The following HIVEP3 variants were observed in gnomAD, a reference collection of about 807,000 sequenced individuals.
HIVEP3 encodes the protein transcription factor HIVEP3.
A neutral mutation model predicts 152.8 loss-of-function variants in HIVEP3; 49 were observed. That is an observed-to-expected ratio of 0.32 (90% CI 0.26 to 0.41). The LOEUF is 0.41. Among genes scored for constraint, HIVEP3 ranks in the 10% least tolerant of loss-of-function variants. HIVEP3 has a pLI of 1.00. For synonymous variants in HIVEP3, 1,269 were observed against 1,289.0 expected (o/e 0.98, Z 0.33); for missense variants, 2,790 against 3,103.3 (o/e 0.90, Z 2.40).
chr1:41,653,977 A>C (rs1397832841), intron 2 of HIVEP3, among the ~76,000 whole-genome samples: 24 of 151,556 alleles, frequency 1.6e-4, no homozygotes, highest in Admixed American at 1.1e-3. Context: ...AAAAAAAAAA[A>C]AAAAACCAGA....
chr1:41,513,651 G>A lies in HIVEP3; in HGVS notation c.5570C>T (p.Ser1857Leu). The change falls in exon 8 of 9, where the codon TCA becomes TTA. Residue 1857 changes from serine to leucine, a missense_variant. Around this residue, in one of 9 missense-constraint regions of HIVEP3, gnomAD observed 816 missense variants for 806.5 expected, o/e 1.01. Transcript: ENST00000372583. Reference sequence around the variant, plus strand: ...CTCATCCTCGTCTTCGTCCAGGTCTGAGTCTGAGTCCGAGTCCTCCAGGTC... The same window carrying A: ...CTCATCCTCGTCTTCGTCCAGGTCTAAGTCTGAGTCCGAGTCCTCCAGGTC... ...FSDLEDSDSD[S>L]DLDEDEDEDE... 6.2e-7 allele frequency: 1 copy of A among 1,613,800 alleles called. No homozygotes were observed. Among genetic ancestry groups the A allele is most frequent in the South Asian group, 1.1e-5 (1 of 91,064 alleles).
At chr1:41,822,342 C>T (rs1292795566) in intron 1 of HIVEP3, among the ~76,000 whole-genome samples, 1 of 152,180 alleles carries the variant, frequency 6.6e-6, no homozygotes, top group African/African-American at 2.4e-5. Context: ...TCACTTCCTC[C>T]AAATCCTATG....
At chr1:41,549,697 G>A (rs2149080229) in intron 5 of HIVEP3, among the ~76,000 whole-genome samples, 1 of 152,176 alleles carries the variant, frequency 6.6e-6, no homozygotes, top group Admixed American at 6.5e-5. Context: ...TGTTCATATT[G>A]TTTGCCCACT....
intron 5 of HIVEP3, among the ~76,000 whole-genome samples, chr1:41,557,518 G>C (rs1643985481): frequency 6.6e-6 from 1 of 152,220 alleles, no homozygotes; most frequent in South Asian, 2.1e-4. Context: ...GAGGGATAGA[G>C]TGTGCAAAGG....
chr1:42,032,179 AAC>A (rs1398451519), intron 1 of HIVEP3, among the ~76,000 whole-genome samples: 1 of 152,174 alleles, frequency 6.6e-6, no homozygotes, highest in Non-Finnish European at 1.5e-5. Context: ...GTCACACCCC[AAC>A]CCCATCTCTG....
At chr1:41,732,202 G>T (rs947459124) in intron 1 of HIVEP3, among the ~76,000 whole-genome samples, 1 of 152,178 alleles carries the variant, frequency 6.6e-6, no homozygotes, top group Admixed American at 6.5e-5. Context: ...GCTTGGGCCG[G>T]ACGGGGAGCA....
chr1:41,545,695 TCAC>T (rs58607679), intron 5 of HIVEP3, among the ~76,000 whole-genome samples: 58,540 of 90,750 alleles, frequency 0.65, 19,482 homozygotes, highest in East Asian at 0.96. Context: ...ATCACCACCA[TCAC>T]CACCACCACC....
intron 1 of HIVEP3, among the ~76,000 whole-genome samples, chr1:41,963,538 G>GA (rs1027606639): frequency 5.3e-5 from 8 of 151,458 alleles, no homozygotes; most frequent in African/African-American, 1.9e-4. Flanking sequence ...GGAGCGGCGA[G>GA]GGGGGAGGGA....
chr1:41,974,872 C>T (rs1645251157), intron 1 of HIVEP3, among the ~76,000 whole-genome samples: 1 of 152,120 alleles, frequency 6.6e-6, no homozygotes, highest in Non-Finnish European at 1.5e-5. Context: ...TTGAGAGTAG[C>T]AGATGCTCTG....
chr1:41,760,906 C>T (rs1183004024), intron 1 of HIVEP3, among the ~76,000 whole-genome samples: 1 of 152,170 alleles, frequency 6.6e-6, no homozygotes, highest in Non-Finnish European at 1.5e-5. Context: ...CCTCCCATGA[C>T]CCTCAAACAT....
chr1:41,654,080 TATAG>T (rs1645594650), intron 2 of HIVEP3, among the ~76,000 whole-genome samples: 1 of 151,882 alleles, frequency 6.6e-6, no homozygotes, highest in African/African-American at 2.4e-5. Flanking sequence ...CAATTCATTA[TATAG>T]ATATATAGTC....
chr1:41,550,566 A>G (rs940774173), intron 5 of HIVEP3, among the ~76,000 whole-genome samples: 1 of 152,164 alleles, frequency 6.6e-6, no homozygotes, highest in East Asian at 1.9e-4. Flanking sequence ...GTTTCTTTGT[A>G]GGTCTCCTTG....
At chr1:41,802,397 T>C (rs983451692) in intron 1 of HIVEP3, among the ~76,000 whole-genome samples, 1 of 152,052 alleles carries the variant, frequency 6.6e-6, no homozygotes, top group Non-Finnish European at 1.5e-5. Context: ...TTATTTTTCA[T>C]AGAGATGGGG....
intron 1 of HIVEP3, among the ~76,000 whole-genome samples, chr1:41,760,707 A>C (rs1647614270): frequency 6.6e-6 from 1 of 152,242 alleles, no homozygotes; most frequent in Non-Finnish European, 1.5e-5. Flanking sequence ...CAACTAAGCC[A>C]GGAGCATGCC....
At position 41,510,639 on chromosome 1, in the gene HIVEP3, C is replaced by T. The variant is rs200323828; in HGVS notation, c.7033G>A (p.Ala2345Thr). Residue 2345 changes from alanine to threonine, a missense_variant, in exon 9 of 9, where the codon GCC becomes ACC. Physicochemically the swap from Ala to Thr is moderately conservative, Grantham distance 58. Around this residue, in one of 9 missense-constraint regions of HIVEP3, gnomAD observed 816 missense variants for 806.5 expected, o/e 1.01. Transcript: ENST00000372583. ...CTGCTGCGGTCCAGCGGCGGGGTGG[C>T]AGAAGGCTCGGGGTTGGTCGGTGCA... Reference protein sequence around the residue: ...PRAPTNPEPSATPPLDRSSSV... With the variant: ...PRAPTNPEPSTTPPLDRSSSV... 4.2e-4 allele frequency: 642 copies of T among 1,541,770 alleles called. 2 individuals are homozygous for T. In the African/African-American group the frequency reaches 8.1e-3, roughly 20 times the overall value.
At chr1:41,763,578 T>C (rs1457699269) in intron 1 of HIVEP3, among the ~76,000 whole-genome samples, 4 of 152,188 alleles carry the variant, frequency 2.6e-5, no homozygotes, top group South Asian at 2.1e-4. Context: ...TTATTGAGCA[T>C]AGGAGGAAAA....
At chr1:41,930,661 A>G (rs146874530) in intron 1 of HIVEP3, among the ~76,000 whole-genome samples, 1 of 152,216 alleles carries the variant, frequency 6.6e-6, no homozygotes, top group East Asian at 1.9e-4. Flanking sequence ...TATAATAAGT[A>G]TATCTTTAAT....
intron 1 of HIVEP3, among the ~76,000 whole-genome samples, chr1:41,966,019 A>C (rs997285309): frequency 6.6e-6 from 1 of 152,360 alleles, no homozygotes; most frequent in Middle Eastern, 3.4e-3. Context: ...CATCAGACTA[A>C]CAGTGGACCT....
intron 1 of HIVEP3, among the ~76,000 whole-genome samples, chr1:41,985,955 C>T (rs1296741051): frequency 6.6e-6 from 1 of 152,098 alleles, no homozygotes; most frequent in Non-Finnish European, 1.5e-5. Flanking sequence ...AAAAAAGATC[C>T]ACCCATGTTA....
Sources: allele counts gnomAD v4.1 joint callset (sites outside exome capture counted in the v4.1 genomes callset), GRCh38; gene constraint gnomAD v4.1.1; regional missense constraint gnomAD v4.1.1; transcripts MANE v1.5; gene names NCBI Gene and HGNC (gene_info 2026-07-23, HGNC 2026-07-21).